Variants in EPB41 observed in about 807,000 individuals in gnomAD.
The protein encoded by EPB41 is erythrocyte membrane protein band 4.1.
EPB41 carries 65 observed loss-of-function variants against 108.0 expected under a neutral mutation model. The ratio of observed to expected loss-of-function variants is 0.60; its 90% CI spans 0.49 to 0.74. EPB41 has a LOEUF of 0.74. Among genes scored for constraint, EPB41 ranks in the 30% least tolerant of loss-of-function variants. EPB41 has a pLI of 0.00. For synonymous variants in EPB41, 336 were observed against 358.9 expected (o/e 0.94, Z 0.72); for missense variants, 875 against 1,037.0 (o/e 0.84, Z 2.15).
At chr1:28,948,434 G>A (rs1428724395) in intron 1 of EPB41, among the ~76,000 whole-genome samples, 1 of 147,178 alleles carries the variant, frequency 6.8e-6, no homozygotes, top group East Asian at 2.1e-4. Context: ...GCATGAACCC[G>A]AGAGGCAGAG....
intron 16 of EPB41, among the ~76,000 whole-genome samples, chr1:29,077,632 T>C (rs537613129): frequency 4.6e-5 from 7 of 152,330 alleles, no homozygotes; most frequent in Admixed American, 2.0e-4. Flanking sequence ...CAAACTCTTA[T>C]GGGTTTTGAT....
chr1:29,039,124 T>C (rs1238705730), intron 10 of EPB41, 130 bp from the exon 11 acceptor site: 1 of 1,017,530 alleles, frequency 9.8e-7, no homozygotes, highest in East Asian at 2.7e-5. Context: ...TGATTGAAAA[T>C]TTCTTAGTAA....
Position 29,118,031 on chromosome 1 carries a change from G to A in EPB41, c.*1219G>A, listed in dbSNP as rs1358983749. 1 of 152,266 alleles carries A rather than the reference G, an allele frequency of 6.6e-6. No individual in the cohort carries two copies. Among genetic ancestry groups the A allele is most frequent in the African/African-American group, 2.4e-5 (1 of 41,440 alleles). The allele number at this position is 152,266 out of a possible 1,614,324, so 9.4% of individuals were successfully genotyped here. A position where few individuals can be genotyped will look rare whatever the true frequency, so the allele number is the denominator to read the frequency against. On this transcript the variant is annotated 3_prime_UTR_variant, in exon 21 of 21. Transcript: ENST00000343067. ...AGGCTTGATTTTGTGGTGGGTTTGG[G>A]GCTTAGTTTTCCTTTTTTTCATTTT...
At chr1:28,903,259 T>G (rs1162072273) in intron 1 of EPB41, among the ~76,000 whole-genome samples, 1 of 152,066 alleles carries the variant, frequency 6.6e-6, no homozygotes, top group African/African-American at 2.4e-5. Context: ...ACTCTGATAC[T>G]TACTAGCTGG....
At chr1:29,103,757 T>A (rs1666207549) in intron 17 of EPB41, among the ~76,000 whole-genome samples, 1 of 152,166 alleles carries the variant, frequency 6.6e-6, no homozygotes, top group Non-Finnish European at 1.5e-5. Context: ...AACCTCCACC[T>A]CCCAGGTTCA....
At chr1:29,077,826 T>G (rs1444492070) in intron 16 of EPB41, among the ~76,000 whole-genome samples, 1 of 152,242 alleles carries the variant, frequency 6.6e-6, no homozygotes, top group East Asian at 1.9e-4. Context: ...TTATGGACAC[T>G]GAAATTTAAA....
intron 1 of EPB41, among the ~76,000 whole-genome samples, chr1:28,956,692 A>G (rs2094961377): frequency 1.3e-5 from 2 of 152,232 alleles, no homozygotes; most frequent in South Asian, 2.1e-4. Flanking sequence ...TTACTACAGA[A>G]TAATTCAGAG....
chr1:29,049,610 C>T (rs765375018), intron 11 of EPB41, among the ~76,000 whole-genome samples: 5 of 152,120 alleles, frequency 3.3e-5, no homozygotes, highest in Non-Finnish European at 7.4e-5. Flanking sequence ...ACCACCCTAC[C>T]GCATACTAGC....
At chr1:28,927,522 AT>A (rs2093514490) in intron 1 of EPB41, among the ~76,000 whole-genome samples, 1 of 152,218 alleles carries the variant, frequency 6.6e-6, no homozygotes, top group Non-Finnish European at 1.5e-5. Flanking sequence ...AAGGAAGGGA[AT>A]TAACACATAC....
rs557052923 is a variant in EPB41, at chr1:29,035,148, AT to A, written c.1366-670del. On this transcript the variant is annotated intron_variant, in intron 9 of 20. Coordinates refer to ENST00000343067, the MANE Select transcript of EPB41 (RefSeq NM_001376013.1). ...AGGCGCGTGCCACCATGCCCGGCTAATTTTTTTTGTATTTTTAGTAGAAATG... is the reference window on the plus strand; with the variant it reads ...AGGCGCGTGCCACCATGCCCGGCTAATTTTTTTGTATTTTTAGTAGAAATG... Among the ~76,000 whole-genome samples, 567 of 151,274 alleles carry A rather than the reference AT, an allele frequency of 3.7e-3. 7 individuals are homozygous for A. Among genetic ancestry groups the A allele is most frequent in the African/African-American group, 0.013 (526 of 41,268 alleles).
At chr1:28,982,586 T>C in intron 1 of EPB41, 1 of 1,503,274 alleles carries the variant, frequency 6.7e-7, no homozygotes, top group Non-Finnish European at 9.2e-7. Flanking sequence ...AGCACCACCT[T>C]CCCAGGTTTC....
At chr1:29,042,588 C>T (rs529194796) in intron 11 of EPB41, among the ~76,000 whole-genome samples, 12 of 152,232 alleles carry the variant, frequency 7.9e-5, no homozygotes, top group African/African-American at 2.4e-4. Context: ...AAGTGATTCT[C>T]GTACCTCAGC....
At chr1:29,111,526 G>T (rs1175180) in intron 18 of EPB41, among the ~76,000 whole-genome samples, 99,936 of 151,386 alleles carry the variant, frequency 0.66, 35,077 homozygotes, top group Non-Finnish European at 0.79. Context: ...GGTGGCAGGC[G>T]CCTGTAGTCC....
chr1:28,890,908 G>A (rs774003254), intron 1 of EPB41: 28 of 985,326 alleles, frequency 2.8e-5, no homozygotes, highest in Non-Finnish European at 3.3e-5. Context: ...CTTACCTGTG[G>A]AACTGTTTGA....
intron 7 of EPB41, among the ~76,000 whole-genome samples, chr1:29,029,310 G>A (rs1344794668): frequency 6.6e-6 from 1 of 152,100 alleles, no homozygotes; most frequent in East Asian, 1.9e-4. Context: ...GTGAAAATAA[G>A]TTTGTTCATG....
At chr1:29,036,150 G>A (rs1639333288) in intron 10 of EPB41, among the ~76,000 whole-genome samples, 1 of 151,932 alleles carries the variant, frequency 6.6e-6, no homozygotes, top group Non-Finnish European at 1.5e-5. Flanking sequence ...GAAGAGAGGA[G>A]TAAGGAATGG....
At chr1:28,913,919 G>A (rs553620644), upstream of EPB41, among the ~76,000 whole-genome samples, 8 of 152,296 alleles carry the variant, frequency 5.3e-5, no homozygotes, top group South Asian at 1.7e-3. Flanking sequence ...GGGGGAATTA[G>A]GAGATCCTTA....
At chr1:28,977,953 T>C (rs1193017888) in intron 1 of EPB41, among the ~76,000 whole-genome samples, 2 of 151,548 alleles carry the variant, frequency 1.3e-5, no homozygotes, top group African/African-American at 4.9e-5. Flanking sequence ...CATTTTATAT[T>C]CTCTTTTTTT....
chr1:28,904,998 T>C (rs2091660738), intron 1 of EPB41, among the ~76,000 whole-genome samples: 1 of 134,844 alleles, frequency 7.4e-6, no homozygotes, highest in East Asian at 2.2e-4. Flanking sequence ...GCCACTGCAC[T>C]CCAGCCTGGG....
Sources: allele counts gnomAD v4.1 joint callset (sites outside exome capture counted in the v4.1 genomes callset), GRCh38; gene constraint gnomAD v4.1.1; transcripts MANE v1.5; gene names NCBI Gene and HGNC (gene_info 2026-07-23, HGNC 2026-07-21).